The following DIPK1A variants were observed in gnomAD, a reference collection of about 807,000 sequenced individuals.
DIPK1A encodes family with sequence similarity 69 member A.
Under a neutral mutation model 40.8 loss-of-function variants are expected in DIPK1A, and 27 were observed. The ratio of observed to expected loss-of-function variants is 0.66; its 90% confidence interval spans 0.49 to 0.91. DIPK1A has a LOEUF of 0.91. DIPK1A is among the 40% of genes least tolerant of loss of function. DIPK1A has a pLI of 0.00. For synonymous variants in DIPK1A, 166 were observed against 171.3 expected (o/e 0.97, Z 0.24); for missense variants, 412 against 505.7 (o/e 0.81, Z 1.78).
chr1:92,897,377 C>G lies in DIPK1A; in HGVS notation c.55-20947G>C, dbSNP rs568666722. On this transcript the variant is annotated intron_variant, in intron 1 of 4. Transcript: ENST00000370310. The stretch of plus-strand genomic sequence containing the variant: ...GTAGGGACATGGATGAAGCTGGAAA[C>G]CATCATTCTCAGCAAACTATCGCAA... Among the ~76,000 whole-genome samples, 31 of 152,114 alleles carry G rather than the reference C, an allele frequency of 2.0e-4. 1 individual carries two copies. The East Asian group carries it at 4.4e-3, about 22-fold the overall frequency.
chr1:92,871,236 G>A (rs553228728), intron 2 of DIPK1A, among the ~76,000 whole-genome samples: 1 of 152,126 alleles, frequency 6.6e-6, no homozygotes, highest in East Asian at 1.9e-4. Context: ...CACAATCTTG[G>A]CTCACTGCAA....
intron 1 of DIPK1A, among the ~76,000 whole-genome samples, chr1:92,908,527 T>A (rs972003424): frequency 2.0e-5 from 3 of 152,144 alleles, no homozygotes; most frequent in Admixed American, 6.5e-5. Flanking sequence ...TTGACCTTGA[T>A]AAGAGCAACT....
intron 1 of DIPK1A, among the ~76,000 whole-genome samples, chr1:92,892,810 C>G (rs924419394): frequency 8.2e-5 from 7 of 85,248 alleles, no homozygotes; most frequent in Non-Finnish European, 9.2e-5. Flanking sequence ...CCTTAAAGGA[C>G]CTGATGGAGC....
chr1:92,959,982 C>T (rs536591728), intron 1 of DIPK1A, among the ~76,000 whole-genome samples: 1 of 132,204 alleles, frequency 7.6e-6, no homozygotes, highest in East Asian at 2.4e-4. Flanking sequence ...TCTCAAACTC[C>T]AGAGCTCAAG....
exon 5 of DIPK1A, chr1:92,832,924 A>G: frequency 1.5e-6 from 1 of 680,950 alleles, no homozygotes; most frequent in South Asian, 1.6e-5. Context: ...ATTTGAGGCT[A>G]GGTTTTCGAA....
intron 1 of DIPK1A, among the ~76,000 whole-genome samples, chr1:92,953,023 C>A (rs1651701489): frequency 6.6e-6 from 1 of 152,074 alleles, no homozygotes; most frequent in South Asian, 2.1e-4. Context: ...AACATGTTTA[C>A]CCTGTTCTTA....
intron 1 of DIPK1A, among the ~76,000 whole-genome samples, chr1:92,954,108 C>T (rs987995600): frequency 3.3e-5 from 5 of 151,938 alleles, no homozygotes; most frequent in Admixed American, 2.0e-4. Context: ...TTTCTAAACT[C>T]GCATACTTCG....
chr1:92,847,257 T>C lies in DIPK1A; in HGVS notation c.400A>G (p.Ile134Val). 1 of 1,612,490 alleles carries C rather than the reference T, an allele frequency of 6.2e-7. No individual in the cohort carries two copies. The highest frequency in any genetic ancestry group is 1.3e-5 in the African/African-American group (1 of 74,968). ...CTAGTTGGCTTATCAAATAGCACTATTTCTTTTCTTGGTTCCAATTCAGTT... is the reference window on the plus strand; with the variant it reads ...CTAGTTGGCTTATCAAATAGCACTACTTCTTTTCTTGGTTCCAATTCAGTT... ...FGTELEPRKE[I>V]VLFDKPTRGT... Residue 134 changes from isoleucine to valine, a missense_variant, in exon 4 of 5, where the codon ATA (isoleucine) becomes GTA (valine). Physicochemically the swap from Ile to Val is conservative, Grantham distance 29. Transcript: ENST00000370310.
intron 1 of DIPK1A, among the ~76,000 whole-genome samples, chr1:92,944,405 AT>A (rs1455736563): frequency 2.0e-5 from 3 of 152,190 alleles, no homozygotes; most frequent in African/African-American, 7.2e-5. Flanking sequence ...CTATTTATAC[AT>A]TTTCTCTGGA....
chr1:92,918,046 T>C (rs1355674660), intron 1 of DIPK1A, among the ~76,000 whole-genome samples: 1 of 152,120 alleles, frequency 6.6e-6, no homozygotes, highest in Non-Finnish European at 1.5e-5. Context: ...CCATCCTTAG[T>C]AGAGAATAAG....
chr1:92,930,029 T>C (rs985962842), intron 1 of DIPK1A, among the ~76,000 whole-genome samples: 9 of 152,204 alleles, frequency 5.9e-5, no homozygotes, highest in Admixed American at 3.3e-4. Flanking sequence ...CTGTGGCCAG[T>C]AGAATGCTAT....
intron 1 of DIPK1A, among the ~76,000 whole-genome samples, chr1:92,921,569 A>T (rs1343664970): frequency 6.6e-6 from 1 of 152,202 alleles, no homozygotes; most frequent in Non-Finnish European, 1.5e-5. Flanking sequence ...GTGGGACCTG[A>T]GGAACCTGGC....
At chr1:92,865,751 T>C (rs747428553) in intron 2 of DIPK1A, among the ~76,000 whole-genome samples, 1 of 152,222 alleles carries the variant, frequency 6.6e-6, no homozygotes, top group Non-Finnish European at 1.5e-5. Flanking sequence ...TCCTACCTTA[T>C]AGCATTACCC....
intron 2 of DIPK1A, among the ~76,000 whole-genome samples, chr1:92,871,949 C>G (rs918623688): frequency 6.6e-6 from 1 of 151,872 alleles, no homozygotes; most frequent in Admixed American, 6.6e-5. Context: ...CATTTGAAAC[C>G]CTGATTTCAA....
In DIPK1A at chr1:92,847,245, C is replaced by A; in HGVS notation, c.412G>T (p.Asp138Tyr). The change falls in exon 4 of 5, where the codon GAT (aspartate) becomes TAT (tyrosine). Residue 138 changes from aspartate to tyrosine, a missense_variant. By Grantham distance (160) the Asp-to-Tyr change is radical. Coordinates refer to ENST00000370310, the MANE Select transcript of DIPK1A (RefSeq NM_001006605.5). ...LEPRKEIVLF[D>Y]KPTRGTTVQK... ...ACAGTAGTTCCTCTAGTTGGCTTAT[C>A]AAATAGCACTATTTCTTTTCTTGGT... The A allele has an allele frequency of 5.0e-6, 8 of 1,610,506 alleles. No individual in the cohort carries two copies. Among genetic ancestry groups the A allele is most frequent in the Non-Finnish European group, 6.8e-6 (8 of 1,178,148 alleles).
At chr1:92,893,490 C>A (rs2100806918) in intron 1 of DIPK1A, among the ~76,000 whole-genome samples, 1 of 152,148 alleles carries the variant, frequency 6.6e-6, no homozygotes, top group South Asian at 2.1e-4. Flanking sequence ...CCTAAAAGAG[C>A]TCCTGAAGGA....
At chr1:92,858,011 C>A (rs777071306) in intron 2 of DIPK1A, among the ~76,000 whole-genome samples, 11 of 152,190 alleles carry the variant, frequency 7.2e-5, no homozygotes, top group Admixed American at 3.9e-4. Flanking sequence ...GGACTTTCAT[C>A]CTTATTTCCT....
chr1:92,839,701 C>G (rs971324617), downstream of DIPK1A, among the ~76,000 whole-genome samples: 2 of 152,126 alleles, frequency 1.3e-5, no homozygotes, highest in Admixed American at 6.6e-5. Context: ...GGCACTTGTT[C>G]TTGAATGAAA....
chr1:92,941,177 C>T (rs556699494), intron 1 of DIPK1A, among the ~76,000 whole-genome samples: 70 of 152,220 alleles, frequency 4.6e-4, no homozygotes, highest in South Asian at 2.7e-3. Flanking sequence ...CATCTAAGAA[C>T]GTGCAGTAAC....
Sources: allele counts gnomAD v4.1 joint callset (sites outside exome capture counted in the v4.1 genomes callset), GRCh38; gene constraint gnomAD v4.1.1; transcripts MANE v1.5; gene names NCBI Gene and HGNC (gene_info 2026-07-23, HGNC 2026-07-21).